Variants in ADGRV1 observed in about 807,000 individuals in gnomAD.
ADGRV1 encodes G-protein coupled receptor 98.
In ADGRV1, 359 loss-of-function variants were observed where a neutral mutation model predicts 596.2. The ratio of observed to expected loss-of-function variants is 0.60; its 90% CI spans 0.55 to 0.66. The LOEUF (loss-of-function observed/expected upper bound fraction) is 0.66, where lower values mean the gene tolerates loss of function less well. Ranked by LOEUF, ADGRV1 falls within the 30% of genes least tolerant of loss-of-function variation. The pLI is 0.00. For missense variants in ADGRV1, 7,274 were observed against 7,575.6 expected, an observed-to-expected ratio of 0.96 and a Z score of 1.48; for synonymous variants, 2,681 against 2,679.2, an observed-to-expected ratio of 1.00 and a Z score of -0.02.
chr5:91,128,940 A>G (rs922203996), intron 87 of ADGRV1, among the ~76,000 whole-genome samples: 5 of 152,248 alleles, frequency 3.3e-5, no homozygotes, highest in Non-Finnish European at 7.3e-5. Flanking sequence ...GTACCTCTGT[A>G]ATTAAAGCCA....
At chr5:90,813,132 C>CAAAAAAAAAAAAAAAAAAAAAAAAAAAAA (rs5869522) in intron 74 of ADGRV1, among the ~76,000 whole-genome samples, 1 of 34,914 alleles carries the variant, frequency 2.9e-5, no homozygotes, top group Non-Finnish European at 5.4e-5. Flanking sequence ...GACTCCGTCT[C>CAAAAAAAAAAAAAAAAAAAAAAAAAAAAA]AAAAAAAAAA....
intron 1 of ADGRV1, among the ~76,000 whole-genome samples, chr5:90,593,714 C>G (rs1347429244): frequency 1.3e-5 from 2 of 152,088 alleles, no homozygotes; most frequent in Middle Eastern, 6.8e-3. Context: ...CAAATACCAC[C>G]TGTTCTCCCG....
At chr5:90,819,782 A>G (rs1416920960) in intron 75 of ADGRV1, among the ~76,000 whole-genome samples, 2 of 152,032 alleles carry the variant, frequency 1.3e-5, no homozygotes, top group East Asian at 3.9e-4. Flanking sequence ...TCTGAGAGAT[A>G]GTTTGTTATA....
chr5:90,652,544 A>G lies in ADGRV1; in HGVS notation c.3615A>G (p.Leu1205=). The change falls in exon 19 of 90, where the codon CTA becomes CTG. Residue 1205 remains leucine (L), a synonymous_variant. Transcript: ENST00000405460. Reference sequence around the variant, plus strand: ...CTGAATTCAATGAATTTTATTTCCTAAAACTTGTAAACATTTCAGGTACTG... The same window carrying G: ...CTGAATTCAATGAATTTTATTTCCTGAAACTTGTAAACATTTCAGGTACTG... ...KIPEFNEFYF[L]KLVNISGGSP... The G allele has an allele frequency of 3.1e-6, 5 of 1,604,620 alleles. No individual in the cohort carries two copies. Among genetic ancestry groups the G allele is most frequent in the Non-Finnish European group, 4.3e-6 (5 of 1,172,716 alleles).
At position 90,755,163 on chromosome 5, in the gene ADGRV1, A is replaced by G. The variant is rs1490421370; in HGVS notation, c.11558A>G (p.His3853Arg). 1.2e-6 allele frequency: 2 copies of G among 1,603,258 alleles called. No individual in the cohort carries two copies. Among genetic ancestry groups the G allele is most frequent in the Non-Finnish European group, 1.7e-6 (2 of 1,177,704 alleles). Residue 3853 changes from histidine (H) to arginine (R), a missense_variant, in exon 55 of 90, where the codon CAT (histidine) becomes CGT (arginine). Around this residue, in one of 5 missense-constraint regions of ADGRV1, gnomAD observed 3,643 missense variants for 3,809.2 expected, o/e 0.96. Transcript: ENST00000405460. ...IIMKENIKEA[H>R]AEVSILPDDL... ...ATGAAAGAAAACATAAAAGAAGCTC[A>G]TGCCGAAGTTTCCATTTTGCCGGTA...
At chr5:91,061,112 C>A (rs1404659458) in intron 85 of ADGRV1, among the ~76,000 whole-genome samples, 2 of 152,164 alleles carry the variant, frequency 1.3e-5, no homozygotes, top group African/African-American at 4.8e-5. Flanking sequence ...CTTTTGCCCT[C>A]TTTTTGGAGC....
intron 1 of ADGRV1, among the ~76,000 whole-genome samples, chr5:90,567,280 C>T (rs565632152): frequency 6.6e-6 from 1 of 151,522 alleles, no homozygotes; most frequent in African/African-American, 2.4e-5. Flanking sequence ...TCTTTTTTTC[C>T]ATAATGTCTT....
chr5:90,742,700 AAG>A (rs1351888923), intron 50 of ADGRV1, among the ~76,000 whole-genome samples: 5 of 152,138 alleles, frequency 3.3e-5, no homozygotes, highest in Non-Finnish European at 7.3e-5. Context: ...ATGTCTGAGA[AAG>A]AGCTGGAGGC....
intron 82 of ADGRV1, among the ~76,000 whole-genome samples, chr5:90,862,356 TCACACACA>T (rs5869527): frequency 3.3e-5 from 5 of 150,444 alleles, no homozygotes; most frequent in Admixed American, 2.7e-4. Context: ...AGTATATTAC[TCACACACA>T]CACACACACA....
chr5:91,010,305 G>T (rs1782619826), intron 85 of ADGRV1, among the ~76,000 whole-genome samples: 1 of 152,036 alleles, frequency 6.6e-6, no homozygotes, highest in Non-Finnish European at 1.5e-5. Flanking sequence ...ACCTAAATAT[G>T]AGCACACATC....
At chr5:90,932,948 A>C (rs1026444597) in intron 83 of ADGRV1, among the ~76,000 whole-genome samples, 4 of 152,228 alleles carry the variant, frequency 2.6e-5, no homozygotes, top group Admixed American at 1.3e-4. Context: ...TCACATATTG[A>C]TATGCAGGCC....
At chr5:91,033,390 A>T in intron 85 of ADGRV1, among the ~76,000 whole-genome samples, 1 of 152,132 alleles carries the variant, frequency 6.6e-6, no homozygotes, top group East Asian at 1.9e-4. Context: ...GTTTTATGTT[A>T]CTTTCTCAGC....
At chr5:90,673,848 C>G (rs1772846139) in intron 22 of ADGRV1, among the ~76,000 whole-genome samples, 2 of 152,138 alleles carry the variant, frequency 1.3e-5, no homozygotes, top group Admixed American at 6.5e-5. Flanking sequence ...AGGAATTAAT[C>G]TATTCAGACT....
intron 82 of ADGRV1, among the ~76,000 whole-genome samples, chr5:90,862,945 T>A (rs1767743559): frequency 6.6e-6 from 1 of 152,200 alleles, no homozygotes; most frequent in South Asian, 2.1e-4. Flanking sequence ...GCCTCCTGTT[T>A]ATTAACGAGG....
At chr5:90,976,884 A>C (rs1479868730) in intron 84 of ADGRV1, among the ~76,000 whole-genome samples, 1 of 152,176 alleles carries the variant, frequency 6.6e-6, no homozygotes, top group Non-Finnish European at 1.5e-5. Flanking sequence ...TTTCTTTTGA[A>C]ACTACAGCTT....
At chr5:90,681,476 A>G in intron 27 of ADGRV1, 22 bp downstream of exon 27, 2 of 1,593,858 alleles carry the variant, frequency 1.3e-6, no homozygotes, top group Non-Finnish European at 1.7e-6. Flanking sequence ...TTCTTCCTTC[A>G]TTCCTAGACA....
intron 86 of ADGRV1, among the ~76,000 whole-genome samples, chr5:91,091,109 G>T (rs1790345401): frequency 6.6e-6 from 1 of 152,258 alleles, no homozygotes; most frequent in African/African-American, 2.4e-5. Flanking sequence ...CTTAGATAAG[G>T]TGGATTGTTT....
At chr5:90,885,326 T>G (rs1770175916) in intron 83 of ADGRV1, among the ~76,000 whole-genome samples, 1 of 152,170 alleles carries the variant, frequency 6.6e-6, no homozygotes, top group African/African-American at 2.4e-5. Context: ...GGTGATTAAC[T>G]CAAAGACTTC....
chr5:91,059,692 A>C (rs1374082887), intron 85 of ADGRV1, among the ~76,000 whole-genome samples: 1 of 152,174 alleles, frequency 6.6e-6, no homozygotes, highest in African/African-American at 2.4e-5. Context: ...AAAGTGGATA[A>C]AATTTTAGCC....
Sources: allele counts gnomAD v4.1 joint callset (sites outside exome capture counted in the v4.1 genomes callset), GRCh38; gene constraint gnomAD v4.1.1; regional missense constraint gnomAD v4.1.1; transcripts MANE v1.5; gene names NCBI Gene and HGNC (gene_info 2026-07-23, HGNC 2026-07-21).